The following ACTR3C variants were observed in gnomAD, a reference collection of about 807,000 sequenced individuals.
The protein encoded by ACTR3C is actin related protein 3C, also known as actin-related protein 3C.
ACTR3C carries 18 observed loss-of-function variants against 26.3 expected under a neutral mutation model. The ratio of observed to expected loss-of-function variants is 0.68; its 90% CI spans 0.47 to 1.01. The LOEUF (loss-of-function observed/expected upper bound fraction) is 1.01. Ranked by LOEUF, ACTR3C falls within the 50% of genes least tolerant of loss-of-function variation. The pLI is 0.00. For missense variants in ACTR3C, 184 were observed against 250.7 expected, an observed-to-expected ratio of 0.73 and a Z score of 1.80; for synonymous variants, 55 against 94.5, an observed-to-expected ratio of 0.58 and a Z score of 2.42.
the ACTR3C span, chr7:150,047,634 G>A: frequency 9.6e-7 from 1 of 1,043,318 alleles, no homozygotes; most frequent in East Asian, 6.9e-5. Context: ...ATCGCTCCGC[G>A]CCTGGTACTG....
At chr7:150,198,780 A>AGCCGT in the ACTR3C span, among the ~76,000 whole-genome samples, 1 of 127,174 alleles carries the variant, frequency 7.9e-6, no homozygotes, top group Non-Finnish European at 1.6e-5. Context: ...CCGCCTGGCC[A>AGCCGT]GCCGTGCCGT....
Position 150,274,050 on chromosome 7 carries a change from G to A in ACTR3C, c.564+10703C>T, listed in dbSNP as rs1209031865. Among the ~76,000 whole-genome samples the A allele has an allele frequency of 6.6e-6, 1 of 151,128 alleles. No homozygotes were observed. Among genetic ancestry groups the A allele is most frequent in the Non-Finnish European group, 1.5e-5 (1 of 68,044 alleles). On this transcript the variant is annotated intron_variant, in intron 6 of 7. Coordinates refer to ENST00000683684, the MANE Select transcript of ACTR3C (RefSeq NM_001164458.2). This position sits in a 1 kb window ranked among gnomAD's most constrained non-coding sequence, Gnocchi z 4.1. ...GTCGCCCTCTTGAGATGTGTTTCAG[G>A]TAGGGAGACAGAACTATTAAGTATA...
intron 2 of ACTR3C, among the ~76,000 whole-genome samples, 155 bp from the exon 3 acceptor site, chr7:150,293,574 T>A (rs1164957930): frequency 6.6e-6 from 1 of 151,890 alleles, no homozygotes; most frequent in Non-Finnish European, 1.5e-5. Flanking sequence ...TCCCTCAAAT[T>A]CCAATTCAAA....
At chr7:150,045,680 T>C in the ACTR3C span, among the ~76,000 whole-genome samples, 1 of 152,194 alleles carries the variant, frequency 6.6e-6, no homozygotes, top group East Asian at 1.9e-4. Context: ...CCTGTGTTTA[T>C]GTGAGAATCA....
chr7:149,979,529 TATA>T, the ACTR3C span, among the ~76,000 whole-genome samples: 4,181 of 152,300 alleles, frequency 0.027, 193 homozygotes, highest in African/African-American at 0.095. Flanking sequence ...ATTAAAAAGA[TATA>T]AAATCATATT....
chr7:150,178,320 T>C, the ACTR3C span, among the ~76,000 whole-genome samples: 1 of 148,992 alleles, frequency 6.7e-6, no homozygotes, highest in Non-Finnish European at 1.5e-5. Context: ...TTCGCTCTTG[T>C]TGCCCAGGCT....
At chr7:150,278,090 C>T (rs4015667) in intron 6 of ACTR3C, among the ~76,000 whole-genome samples, 68 of 152,286 alleles carry the variant, frequency 4.5e-4, no homozygotes, top group Middle Eastern at 3.4e-3. Context: ...CCCATTCCCA[C>T]ATTCAAACAT....
chr7:150,041,911 AG>A, the ACTR3C span, among the ~76,000 whole-genome samples: 3 of 127,044 alleles, frequency 2.4e-5, no homozygotes, highest in Non-Finnish European at 5.1e-5. Context: ...CCTCAGAGCC[AG>A]GGGGGGAAGA....
the ACTR3C span, among the ~76,000 whole-genome samples, chr7:150,052,090 A>G: frequency 2.0e-5 from 3 of 151,852 alleles, no homozygotes; most frequent in African/African-American, 4.8e-5. Flanking sequence ...GGTCTTCCCT[A>G]AAACAGTGGG....
the ACTR3C span, among the ~76,000 whole-genome samples, chr7:150,097,172 C>A: frequency 8.6e-5 from 13 of 151,846 alleles, no homozygotes; most frequent in Admixed American, 2.0e-4. Context: ...GATACACTAG[C>A]AAAGACATCC....
At chr7:149,926,710 C>T in the ACTR3C span, among the ~76,000 whole-genome samples, 3 of 152,246 alleles carry the variant, frequency 2.0e-5, no homozygotes, top group African/African-American at 7.2e-5. Context: ...TTGCTTTGTA[C>T]ATTTTCACCG....
chr7:150,195,547 C>A, the ACTR3C span, among the ~76,000 whole-genome samples: 1 of 152,154 alleles, frequency 6.6e-6, no homozygotes, highest in Non-Finnish European at 1.5e-5. Flanking sequence ...GTATAAAATT[C>A]TGTGTTGACT....
At chr7:150,114,617 C>T in the ACTR3C span, among the ~76,000 whole-genome samples, 10 of 151,988 alleles carry the variant, frequency 6.6e-5, no homozygotes, top group Admixed American at 1.3e-4. Context: ...GTGTGACAAA[C>T]GCGTATCTAT....
At chr7:150,321,115 T>C (rs1291890955) in intron 1 of ACTR3C, among the ~76,000 whole-genome samples, 1 of 152,190 alleles carries the variant, frequency 6.6e-6, no homozygotes, top group Non-Finnish European at 1.5e-5. Flanking sequence ...TGGTATCTGA[T>C]CACCTCGGCT....
chr7:150,315,499 A>T (rs1394225553), intron 1 of ACTR3C, among the ~76,000 whole-genome samples: 4 of 152,232 alleles, frequency 2.6e-5, no homozygotes, highest in South Asian at 2.1e-4. Flanking sequence ...AGGATGGAAG[A>T]AGTAAAAAAT....
chr7:150,036,064 C>G, the ACTR3C span, among the ~76,000 whole-genome samples: 1 of 99,658 alleles, frequency 1.0e-5, no homozygotes, highest in Non-Finnish European at 2.3e-5. Flanking sequence ...TCTCAGTCCC[C>G]GCGTCGCGAG....
chr7:149,969,031 T>C, the ACTR3C span, among the ~76,000 whole-genome samples: 111 of 151,876 alleles, frequency 7.3e-4, no homozygotes, highest in Non-Finnish European at 2.6e-4. Flanking sequence ...TTTCAGCTTC[T>C]CTCTGTGAGG....
At chr7:150,193,987 CACAG>C in the ACTR3C span, among the ~76,000 whole-genome samples, 2 of 140,534 alleles carry the variant, frequency 1.4e-5, no homozygotes, top group Non-Finnish European at 3.0e-5. Flanking sequence ...CACATACACA[CACAG>C]ACACACACAC....
chr7:150,156,049 C>A, the ACTR3C span, among the ~76,000 whole-genome samples: 1 of 151,392 alleles, frequency 6.6e-6, no homozygotes, highest in East Asian at 2.0e-4. Context: ...TTAACTCGGG[C>A]CTTGCAGGGA....
Sources: gnomAD v4.1 joint callset for allele counts (sites outside exome capture counted in the v4.1 genomes callset) on GRCh38, gnomAD v4.1.1 for gene constraint, Gnocchi (gnomAD v3.1) non-coding constraint, MANE v1.5 for transcripts, NCBI Gene and HGNC (gene_info 2026-07-23, HGNC 2026-07-21) for gene names.